The following DNAJC13 variants were observed in gnomAD, a reference collection of about 807,000 sequenced individuals.
DNAJC13 encodes the protein DnaJ heat shock protein family (Hsp40) member C13.
DNAJC13 carries 75 observed loss-of-function variants against 290.5 expected under a neutral mutation model. That is an observed-to-expected ratio of 0.26 (90% CI 0.21 to 0.31). The LOEUF (loss-of-function observed/expected upper bound fraction) is 0.31, where lower values mean the gene tolerates loss of function less well. DNAJC13 is among the 10% of genes least tolerant of loss of function. The pLI, the probability that DNAJC13 is intolerant of heterozygous loss-of-function variation, is 1.00. For missense variants in DNAJC13, 2,260 were observed against 2,674.5 expected (o/e 0.85, Z 3.42); for synonymous variants, 862 against 892.0 (o/e 0.97, Z 0.60).
At chr3:132,514,545 T>C (rs1935866441) in intron 45 of DNAJC13, 26 bp from the exon 46 acceptor site, 1 of 1,545,544 alleles carries the variant, frequency 6.5e-7, no homozygotes, top group Non-Finnish European at 8.9e-7. Flanking sequence ...TCTGAAACTT[T>C]TACTATCCTG....
At chr3:132,458,963 T>A (rs950378927) in intron 13 of DNAJC13, among the ~76,000 whole-genome samples, 3 of 152,226 alleles carry the variant, frequency 2.0e-5, no homozygotes, top group Non-Finnish European at 2.9e-5. Flanking sequence ...TATTCATGTT[T>A]AATTTTAATT....
chr3:132,491,821 T>TG (rs1366172903), intron 32 of DNAJC13, among the ~76,000 whole-genome samples: 1 of 152,138 alleles, frequency 6.6e-6, no homozygotes, highest in African/African-American at 2.4e-5. Context: ...TCTTGACCTA[T>TG]GGGCTTGGCA....
chr3:132,518,450 T>C (rs1935989366), intron 48 of DNAJC13, among the ~76,000 whole-genome samples: 1 of 152,180 alleles, frequency 6.6e-6, no homozygotes, highest in South Asian at 2.1e-4. Context: ...TCTCCCAGAC[T>C]CAAGCCATCC....
At position 132,492,604 on chromosome 3, in the gene DNAJC13, A is replaced by C. The variant is rs372257861; in HGVS notation, c.3814A>C (p.Ile1272Leu). ...CDTLRFPDWP[I>L]KDPVKLLKDT... ...TACACTCCGGTTTCCAGATTGGCCA[A>C]TTAAAGACCCGGTAAGTCAGCAGTT... Residue 1272 changes from isoleucine (I) to leucine (L), a missense_variant, in exon 33 of 56, where the codon ATT (isoleucine) becomes CTT (leucine). Ile to Leu is a conservative substitution (Grantham distance 5). Transcript: ENST00000260818. 3.7e-6 allele frequency: 6 copies of C among 1,613,352 alleles called. No individual in the cohort carries two copies. Among genetic ancestry groups the C allele is most frequent in the East Asian group, 2.2e-5 (1 of 44,880 alleles).
rs755295498 is a variant in DNAJC13 at position 132,453,464 on chromosome 3, T to C, written c.704T>C (p.Leu235Ser). 4.3e-6 allele frequency: 7 copies of C among 1,613,966 alleles called. No individual in the cohort carries two copies. In the Admixed American group the frequency reaches 1.0e-4, roughly 23 times the overall value. Residue 235 changes from leucine to serine, a missense_variant, in exon 7 of 56, where the codon TTA (leucine) becomes TCA (serine). Leu to Ser is a moderately radical substitution (Grantham distance 145). Transcript: ENST00000260818. Reference protein sequence around the residue: ...KYSTDESITSLAEFVVQKISP... With the variant: ...KYSTDESITSSAEFVVQKISP... ...AGCACTGATGAATCCATCACATCTTTAGCAGAGTTTGTAGTCCAAAAAATA... is the reference window on the plus strand; with the variant it reads ...AGCACTGATGAATCCATCACATCTTCAGCAGAGTTTGTAGTCCAAAAAATA...
intron 55 of DNAJC13, among the ~76,000 whole-genome samples, chr3:132,535,397 G>A (rs1015435091): frequency 4.6e-5 from 7 of 152,060 alleles, no homozygotes; most frequent in Non-Finnish European, 8.8e-5. Flanking sequence ...TTATTTAAAG[G>A]TGCCTCAGTG....
At chr3:132,472,107 G>A (rs866821465) in intron 20 of DNAJC13, among the ~76,000 whole-genome samples, 5 of 149,986 alleles carry the variant, frequency 3.3e-5, no homozygotes, top group African/African-American at 7.3e-5. Flanking sequence ...GTGGCGGCGC[G>A]TGCCTGCAAT....
intron 52 of DNAJC13, 97 bp downstream of exon 52, chr3:132,525,886 C>T: frequency 2.9e-6 from 4 of 1,379,718 alleles, no homozygotes; most frequent in Non-Finnish European, 3.9e-6. Flanking sequence ...AATCCCCTTT[C>T]TGCCATGTGT....
chr3:132,464,089 C>T (rs1323418630), intron 17 of DNAJC13, among the ~76,000 whole-genome samples: 1 of 152,132 alleles, frequency 6.6e-6, no homozygotes, highest in African/African-American at 2.4e-5. Context: ...GAAAAGGGTA[C>T]TTAAAAGCTT....
intron 55 of DNAJC13, among the ~76,000 whole-genome samples, chr3:132,532,743 A>G (rs1936454474): frequency 6.6e-6 from 1 of 151,030 alleles, no homozygotes; most frequent in African/African-American, 2.4e-5. Flanking sequence ...TTTTTATTTT[A>G]TTATTTATTT....
At chr3:132,473,107 C>G (rs745500383) in intron 20 of DNAJC13, 38 bp from the exon 21 acceptor site, 2 of 1,392,426 alleles carry the variant, frequency 1.4e-6, no homozygotes, top group South Asian at 1.2e-5. Context: ...TATTTGGTAG[C>G]CCCAGATTGA....
At chr3:132,481,385 C>T (rs2107696187) in intron 26 of DNAJC13, among the ~76,000 whole-genome samples, 1 of 152,186 alleles carries the variant, frequency 6.6e-6, no homozygotes, top group South Asian at 2.1e-4. Flanking sequence ...CTCAGGAGTT[C>T]AAGACCAGCC....
intron 13 of DNAJC13, 117 bp from the exon 14 acceptor site, chr3:132,460,133 G>T: frequency 1.7e-6 from 1 of 571,478 alleles, no homozygotes; most frequent in Non-Finnish European, 3.0e-6. Context: ...CACTTTAAAG[G>T]CAATGGTTTT....
chr3:132,513,132 T>G (rs747340178), intron 45 of DNAJC13, 33 bp downstream of exon 45: 1 of 1,521,660 alleles, frequency 6.6e-7, no homozygotes, highest in Non-Finnish European at 9.1e-7. Context: ...CGTGTTGCCT[T>G]TCCTACCACT....
chr3:132,463,281 T>C (rs963033988), intron 16 of DNAJC13, among the ~76,000 whole-genome samples: 8 of 152,248 alleles, frequency 5.3e-5, no homozygotes, highest in Non-Finnish European at 7.3e-5. Flanking sequence ...TTTATTTGCA[T>C]TTTTAGTGTG....
At position 132,510,367 on chromosome 3, in the gene DNAJC13, T is replaced by TAAA. The variant is rs1935736074; in HGVS notation, c.5116-699_5116-698insAAA. Among the ~76,000 whole-genome samples, 4 of 152,148 alleles carry TAAA rather than the reference T, an allele frequency of 2.6e-5. No homozygotes were observed. The South Asian group carries it at 8.3e-4, about 32-fold the overall frequency. On this transcript the variant is annotated intron_variant, in intron 43 of 55. Coordinates refer to ENST00000260818, the MANE Select transcript of DNAJC13 (RefSeq NM_015268.4). ...GCTTCTTCTGAGTGCTTGGGGATCA[T>TAAA]ATAGGGAGTTTTTGCTTTCATTTTT...
intron 2 of DNAJC13, among the ~76,000 whole-genome samples, chr3:132,446,066 C>T (rs1431782005): frequency 1.3e-5 from 2 of 151,550 alleles, no homozygotes; most frequent in Non-Finnish European, 2.9e-5. Flanking sequence ...CAGGCCATAG[C>T]TTTTCCTTCC....
At chr3:132,470,187 T>G (rs1934150907) in intron 20 of DNAJC13, among the ~76,000 whole-genome samples, 1 of 72,474 alleles carries the variant, frequency 1.4e-5, no homozygotes, top group South Asian at 5.3e-4. Flanking sequence ...TGGTGATGAC[T>G]CTTAACGAGC....
At chr3:132,471,806 C>G (rs1427431786) in intron 20 of DNAJC13, among the ~76,000 whole-genome samples, 1 of 146,618 alleles carries the variant, frequency 6.8e-6, no homozygotes, top group East Asian at 2.0e-4. Context: ...AGACGATGGG[C>G]GGCCAGGCAG....
Sources: allele counts gnomAD v4.1 joint callset (sites outside exome capture counted in the v4.1 genomes callset), GRCh38; gene constraint gnomAD v4.1.1; transcripts MANE v1.5; gene names NCBI Gene and HGNC (gene_info 2026-07-23, HGNC 2026-07-21).